Variants in LANCL3 observed in about 807,000 individuals in gnomAD.
LANCL3 encodes the protein LanC like family member 3.
In LANCL3, 19 loss-of-function variants were observed where a neutral mutation model predicts 26.5. That is an observed-to-expected ratio of 0.72 (90% CI 0.50 to 1.05). LANCL3 has a LOEUF of 1.05. Ranked by LOEUF, LANCL3 falls within the 50% of genes least tolerant of loss-of-function variation. The pLI, the probability that LANCL3 is intolerant of heterozygous loss-of-function variation, is 0.00. For synonymous variants in LANCL3, 160 were observed against 166.6 expected (o/e 0.96, Z 0.30); for missense variants, 318 against 362.7 (o/e 0.88, Z 1.00).
At chrX:37,579,193 G>A in intron 1 of LANCL3, among the ~76,000 whole-genome samples, 1 of 110,117 alleles carries the variant, frequency 9.1e-6, no homozygotes, top group East Asian at 2.8e-4. Flanking sequence ...CTTTATACTG[G>A]TTCCATTTAA....
At position 37,624,770 on chromosome X, in the gene LANCL3, C is replaced by A. The variant is rs1051175514; in HGVS notation, c.574-30918C>A. Among the ~76,000 whole-genome samples, 9 of 111,398 alleles carry A rather than the reference C, an allele frequency of 8.1e-5. No individual in the cohort carries two copies. In the Admixed American group the frequency reaches 8.6e-4, roughly 11 times the overall value. ...CCTCTAAGAAGCTTCTCTGACCTGA[C>A]GTTCTGAGGAATAAGAGGTCATACC... On this transcript the variant is annotated intron_variant, in intron 1 of 4. Transcript: ENST00000378619.
At chrX:37,648,998 T>A (rs781931110) in intron 1 of LANCL3, among the ~76,000 whole-genome samples, 1 of 112,009 alleles carries the variant, frequency 8.9e-6, no homozygotes, top group Non-Finnish European at 1.9e-5. Flanking sequence ...ACTTTTACAC[T>A]GTTGGTGGGA....
At chrX:37,628,944 G>A (rs1925397170) in intron 1 of LANCL3, among the ~76,000 whole-genome samples, 1 of 110,788 alleles carries the variant, frequency 9.0e-6, no homozygotes, top group African/African-American at 3.3e-5. Context: ...ATGATTTATA[G>A]TCCTTTGGGT....
chrX:37,587,177 C>T (rs1295069404), intron 1 of LANCL3, among the ~76,000 whole-genome samples: 1 of 112,371 alleles, frequency 8.9e-6, no homozygotes, highest in African/African-American at 3.2e-5. Context: ...AGAGGGGTAC[C>T]CGGCTGTGTG....
rs893284866 is a variant in LANCL3, at chrX:37,678,302, G to A, written c.*2489G>A. The A allele has an allele frequency of 9.1e-6, 1 of 110,125 alleles. No individual in the cohort carries two copies. The highest frequency in any genetic ancestry group is 9.7e-5 in the Admixed American group (1 of 10,329). 9.1% of individuals were successfully genotyped at this position (110,125 alleles called of 1,213,427 possible). A position where few individuals can be genotyped will look rare whatever the true frequency, so the allele number is the denominator to read the frequency against. ...CTTACATTTTGCTGTAGGAAAGTGT[G>A]GCATGTTACTTCTTATTTAATTATC... On this transcript the variant is annotated 3_prime_UTR_variant, in exon 5 of 5. Coordinates refer to ENST00000378619, the MANE Select transcript of LANCL3 (RefSeq NM_001170331.2).
At chrX:37,637,274 C>CG (rs1241074107) in intron 1 of LANCL3, among the ~76,000 whole-genome samples, 1 of 111,829 alleles carries the variant, frequency 8.9e-6, no homozygotes, top group Non-Finnish European at 1.9e-5. Context: ...AGTGTGGTGA[C>CG]GGACACTATT....
chrX:37,610,695 G>C (rs782177215), intron 1 of LANCL3, among the ~76,000 whole-genome samples: 1 of 111,730 alleles, frequency 9.0e-6, no homozygotes, highest in African/African-American at 3.3e-5. Context: ...AGCTGAGAAG[G>C]AGACAGTCAA....
At chrX:37,655,297 G>C (rs1407534598) in intron 1 of LANCL3, among the ~76,000 whole-genome samples, 1 of 111,889 alleles carries the variant, frequency 8.9e-6, no homozygotes, top group African/African-American at 3.2e-5. Context: ...GTTTGGGCCA[G>C]ACCTACACTG....
rs781783081 is a variant in LANCL3 at position 37,677,963 on chromosome X, T to G, written c.*2150T>G. On this transcript the variant is annotated 3_prime_UTR_variant, in exon 5 of 5. Coordinates refer to ENST00000378619, the MANE Select transcript of LANCL3 (RefSeq NM_001170331.2). ...TGAAACCTAAAGCACTCAGAACTGA[T>G]ACTCTAGTTCATTATCATATCAGTT... 2 of 112,097 alleles carry G rather than the reference T, an allele frequency of 1.8e-5. No homozygotes were observed. Among genetic ancestry groups the G allele is most frequent in the Admixed American group, 9.5e-5 (1 of 10,575 alleles). The allele number at this position is 112,097 out of a possible 1,213,427, so 9.2% of individuals were successfully genotyped here. A position where few individuals can be genotyped will look rare whatever the true frequency, so the allele number is the denominator to read the frequency against.
In LANCL3 at chrX:37,681,373, G is replaced by C. The variant is rs1001432466; in HGVS notation, c.*5560G>C. On this transcript the variant is annotated 3_prime_UTR_variant, in exon 5 of 5. Coordinates refer to ENST00000378619, the MANE Select transcript of LANCL3 (RefSeq NM_001170331.2). The stretch of plus-strand genomic sequence containing the variant: ...CAGTCTCGAAGTAGCCACATTTCAA[G>C]TGTATAAGAGCTGCATGTGAGTTGG... 7.1e-5 allele frequency: 8 copies of C among 111,997 alleles called. No homozygotes were observed. Among genetic ancestry groups the C allele is most frequent in the Non-Finnish European group, 1.5e-4 (8 of 53,253 alleles). The allele number at this position is 111,997 out of a possible 1,213,427, so 9.2% of individuals were successfully genotyped here.
intron 1 of LANCL3, among the ~76,000 whole-genome samples, chrX:37,611,541 G>C (rs969997101): frequency 8.9e-6 from 1 of 112,004 alleles, no homozygotes; most frequent in Non-Finnish European, 1.9e-5. Flanking sequence ...TGAATGGCTA[G>C]GGTCAAGGTA....
In LANCL3 at chrX:37,653,394, G is replaced by A. The variant is rs782599096; in HGVS notation, c.574-2294G>A. Among the ~76,000 whole-genome samples, 4 of 112,029 alleles carry A rather than the reference G, an allele frequency of 3.6e-5. No individual in the cohort carries two copies. In the South Asian group the frequency reaches 1.5e-3, roughly 42 times the overall value. On this transcript the variant is annotated intron_variant, in intron 1 of 4. Coordinates refer to ENST00000378619, the MANE Select transcript of LANCL3 (RefSeq NM_001170331.2). ...AAGTCAAATAGGAAAAATTTTAGTAGTGCAAATGAATACATCCCTGAAAAT... is the reference window on the plus strand; with the variant it reads ...AAGTCAAATAGGAAAAATTTTAGTAATGCAAATGAATACATCCCTGAAAAT...
At chrX:37,610,499 A>G (rs200061836) in intron 1 of LANCL3, among the ~76,000 whole-genome samples, 76 of 111,456 alleles carry the variant, frequency 6.8e-4, no homozygotes, top group African/African-American at 2.3e-3. Flanking sequence ...TATGTTTTCA[A>G]TTAGTATTTA....
At chrX:37,651,337 A>C (rs1219871158) in intron 1 of LANCL3, among the ~76,000 whole-genome samples, 1 of 112,131 alleles carries the variant, frequency 8.9e-6, no homozygotes, top group Non-Finnish European at 1.9e-5. Flanking sequence ...ACCATTATTT[A>C]AAAAATTAAT....
intron 1 of LANCL3, among the ~76,000 whole-genome samples, chrX:37,651,914 G>T (rs782448193): frequency 9.9e-5 from 11 of 111,284 alleles, no homozygotes; most frequent in Non-Finnish European, 1.3e-4. Context: ...CTGCTGGGTG[G>T]TTTATTCTGT....
chrX:37,658,071 G>A (rs1161228649), intron 2 of LANCL3, among the ~76,000 whole-genome samples: 1 of 111,688 alleles, frequency 9.0e-6, no homozygotes, highest in African/African-American at 3.3e-5. Context: ...TTTTCCAAAG[G>A]CAGGTTCAGG....
intron 1 of LANCL3, among the ~76,000 whole-genome samples, chrX:37,651,857 T>C (rs1926155176): frequency 9.1e-6 from 1 of 110,257 alleles, no homozygotes; most frequent in African/African-American, 3.3e-5. Flanking sequence ...TGGTGTTTGG[T>C]CAGTCTCCTT....
At chrX:37,585,023 C>T (rs1556417649) in intron 1 of LANCL3, among the ~76,000 whole-genome samples, 1 of 111,975 alleles carries the variant, frequency 8.9e-6, no homozygotes, top group African/African-American at 3.3e-5. Flanking sequence ...TTTCAGAGAA[C>T]ATCTTTATTT....
chrX:37,579,566 T>C (rs1340432822), intron 1 of LANCL3, among the ~76,000 whole-genome samples: 6 of 111,602 alleles, frequency 5.4e-5, no homozygotes, highest in Non-Finnish European at 1.1e-4. Flanking sequence ...TTAAAACTTA[T>C]GAATTGTTTA....
Sources: allele counts gnomAD v4.1 joint callset (sites outside exome capture counted in the v4.1 genomes callset), GRCh38; gene constraint gnomAD v4.1.1; transcripts MANE v1.5; gene names NCBI Gene and HGNC (gene_info 2026-07-23, HGNC 2026-07-21).